Variants in DENND1B observed in about 807,000 individuals in gnomAD.
DENND1B encodes DENN domain-containing protein 1B.
A neutral mutation model predicts 90.1 loss-of-function variants in DENND1B; 59 were observed. The observed-to-expected ratio is 0.65, with a 90% confidence interval of 0.53 to 0.81. DENND1B has a LOEUF of 0.81. Among genes scored for constraint, DENND1B ranks in the 40% least tolerant of loss-of-function variants. The probability of loss-of-function intolerance (pLI) is 0.00; values close to 1 mark genes in which losing one functional copy is unlikely to be tolerated. For missense variants in DENND1B, 862 were observed against 912.6 expected (o/e 0.94, Z 0.71); for synonymous variants, 337 against 324.6 (o/e 1.04, Z -0.41).
intron 16 of DENND1B, among the ~76,000 whole-genome samples, chr1:197,549,016 T>C (rs1290690350): frequency 6.6e-6 from 1 of 152,192 alleles, no homozygotes; most frequent in African/African-American, 2.4e-5. Flanking sequence ...TACATTATTC[T>C]TTAGCAGTGT....
intron 15 of DENND1B, among the ~76,000 whole-genome samples, chr1:197,564,284 G>A (rs755057397): frequency 2.0e-5 from 3 of 147,724 alleles, no homozygotes; most frequent in Non-Finnish European, 3.0e-5. Flanking sequence ...AATTGATGTG[G>A]CAAATTTCAT....
chr1:197,542,048 G>A (rs966072626), intron 18 of DENND1B, among the ~76,000 whole-genome samples: 1 of 152,124 alleles, frequency 6.6e-6, no homozygotes, highest in Non-Finnish European at 1.5e-5. Flanking sequence ...CTGGAAGGCC[G>A]GATATAGGTT....
chr1:197,707,780 A>G (rs1185989352), intron 3 of DENND1B, among the ~76,000 whole-genome samples: 3 of 148,812 alleles, frequency 2.0e-5, no homozygotes, highest in Non-Finnish European at 3.0e-5. Flanking sequence ...TGAGCGACGC[A>G]GAAGACGGGT....
chr1:197,584,664 G>C (rs1674537031), intron 14 of DENND1B, among the ~76,000 whole-genome samples: 1 of 152,030 alleles, frequency 6.6e-6, no homozygotes, highest in Admixed American at 6.6e-5. Context: ...ACAGATGATT[G>C]CCAATTTTTT....
chr1:197,644,145 C>T (rs898563447), intron 9 of DENND1B, among the ~76,000 whole-genome samples: 1 of 152,186 alleles, frequency 6.6e-6, no homozygotes, highest in Non-Finnish European at 1.5e-5. Flanking sequence ...TCCAATTCAA[C>T]TCTCCATATA....
intron 20 of DENND1B, among the ~76,000 whole-genome samples, chr1:197,515,195 G>C (rs1668312274): frequency 6.6e-6 from 1 of 151,686 alleles, no homozygotes; most frequent in East Asian, 1.9e-4. Flanking sequence ...GAAGGAATGA[G>C]TAGTAAAATA....
At chr1:197,652,087 A>G in intron 7 of DENND1B, 148 bp downstream of exon 7, 2 of 628,218 alleles carry the variant, frequency 3.2e-6, no homozygotes, top group Admixed American at 3.6e-5. Flanking sequence ...AAGACACAAT[A>G]TTATCACCTT....
chr1:197,707,536 T>C, intron 3 of DENND1B, among the ~76,000 whole-genome samples: 1 of 149,430 alleles, frequency 6.7e-6, no homozygotes, highest in East Asian at 1.9e-4. Context: ...ATATGTATAA[T>C]ATCTATATCA....
chr1:197,542,256 T>C (rs1335863449), intron 18 of DENND1B, among the ~76,000 whole-genome samples: 1 of 152,180 alleles, frequency 6.6e-6, no homozygotes, highest in Non-Finnish European at 1.5e-5. Flanking sequence ...GTGTGTATGA[T>C]AACTCTAGTT....
intron 10 of DENND1B, 50 bp downstream of exon 10, chr1:197,642,661 T>G (rs1352367118): frequency 7.2e-7 from 1 of 1,385,594 alleles, no homozygotes; most frequent in African/African-American, 1.4e-5. Context: ...TTTAGGTCTT[T>G]TTGTGAAACA....
intron 20 of DENND1B, among the ~76,000 whole-genome samples, chr1:197,531,199 C>CA (rs950872735): frequency 6.6e-6 from 1 of 152,164 alleles, no homozygotes; most frequent in East Asian, 1.9e-4. Flanking sequence ...TCACTGTTAT[C>CA]AAAAAACTGT....
chr1:197,604,326 C>T (rs1676477029), intron 13 of DENND1B, among the ~76,000 whole-genome samples: 1 of 151,248 alleles, frequency 6.6e-6, no homozygotes, highest in African/African-American at 2.4e-5. Context: ...AAGCTTTGCC[C>T]TGATTTATTT....
At chr1:197,511,012 A>C in intron 22 of DENND1B, 40 bp from the exon 23 acceptor site, 1 of 1,456,538 alleles carries the variant, frequency 6.9e-7, no homozygotes, top group Admixed American at 2.6e-5. Context: ...AAAACTTTTA[A>C]TAAGCATTAA....
intron 15 of DENND1B, among the ~76,000 whole-genome samples, chr1:197,560,590 G>A (rs965971373): frequency 6.6e-6 from 1 of 151,850 alleles, no homozygotes; most frequent in African/African-American, 2.4e-5. Context: ...TCCAGGCAAA[G>A]GGAATAGCCA....
At chr1:197,740,885 T>G (rs1464411614) in intron 2 of DENND1B, among the ~76,000 whole-genome samples, 1 of 152,308 alleles carries the variant, frequency 6.6e-6, no homozygotes, top group Non-Finnish European at 1.5e-5. Context: ...TTTGTCACAT[T>G]CACTTGCTTT....
intron 5 of DENND1B, among the ~76,000 whole-genome samples, chr1:197,664,375 T>C (rs1269588606): frequency 6.6e-6 from 1 of 152,092 alleles, no homozygotes; most frequent in Non-Finnish European, 1.5e-5. Flanking sequence ...CTTGCCAACA[T>C]ATATAAATGT....
At chr1:197,662,565 T>G (rs1654519046) in intron 5 of DENND1B, among the ~76,000 whole-genome samples, 1 of 152,026 alleles carries the variant, frequency 6.6e-6, no homozygotes, top group South Asian at 2.1e-4. Context: ...ATAGCGAGCC[T>G]TTTTTAAAAA....
In DENND1B at chr1:197,652,292, G is replaced by C. The variant is rs766156836; in HGVS notation, c.390C>G (p.Leu130=). ...KELENDLNET[L]RSLYNHPVPK... Reference sequence around the variant, plus strand: ...GTACTGGGTGGTTATACAGTGATCTGAGAGTTTCATTCAAATCATTTTCCT... The same window carrying C: ...GTACTGGGTGGTTATACAGTGATCTCAGAGTTTCATTCAAATCATTTTCCT... The change falls in exon 7 of 23, where the codon CTC becomes CTG. Residue 130 remains leucine (L), a synonymous_variant. Coordinates refer to ENST00000620048, the MANE Select transcript of DENND1B (RefSeq NM_001195215.2). 63 of 1,611,052 alleles carry C rather than the reference G, an allele frequency of 3.9e-5. 1 individual carries two copies. In the African/African-American group the frequency reaches 7.6e-4, roughly 19 times the overall value.
At chr1:197,666,951 T>G (rs1655000550) in intron 5 of DENND1B, among the ~76,000 whole-genome samples, 1 of 152,076 alleles carries the variant, frequency 6.6e-6, no homozygotes, top group Non-Finnish European at 1.5e-5. Flanking sequence ...CTGGCCAACA[T>G]GGTGAAACCC....
Sources: gnomAD v4.1 joint callset for allele counts (sites outside exome capture counted in the v4.1 genomes callset) on GRCh38, gnomAD v4.1.1 for gene constraint, MANE v1.5 for transcripts, NCBI Gene and HGNC (gene_info 2026-07-23, HGNC 2026-07-21) for gene names.